The following NELL1 variants were observed in gnomAD, a reference collection of about 807,000 sequenced individuals.
NELL1 encodes protein kinase C-binding protein NELL1.
A neutral mutation model predicts 107.4 loss-of-function variants in NELL1; 76 were observed. That is an observed-to-expected ratio of 0.71 (90% confidence interval 0.59 to 0.86). NELL1 has a LOEUF of 0.86. Among genes scored for constraint, NELL1 ranks in the 40% least tolerant of loss-of-function variants. The pLI is 0.00. For synonymous variants in NELL1, 353 were observed against 341.2 expected (o/e 1.03, Z -0.38); for missense variants, 1,024 against 1,005.5 (o/e 1.02, Z -0.25).
At chr11:21,314,801 G>A (rs369873268) in intron 14 of NELL1, among the ~76,000 whole-genome samples, 1 of 152,178 alleles carries the variant, frequency 6.6e-6, no homozygotes, top group East Asian at 1.9e-4. Context: ...ATTTACCTTT[G>A]GAAAGATTAT....
intron 15 of NELL1, among the ~76,000 whole-genome samples, chr11:21,400,899 G>C (rs1366869271): frequency 6.6e-6 from 1 of 151,886 alleles, no homozygotes; most frequent in African/African-American, 2.4e-5. Context: ...GGAGGACAGG[G>C]AATGGAAGAG....
chr11:20,909,653 A>G (rs1350420778), intron 5 of NELL1, among the ~76,000 whole-genome samples: 1 of 152,120 alleles, frequency 6.6e-6, no homozygotes, highest in Non-Finnish European at 1.5e-5. Context: ...ATGTCAAACC[A>G]GCGTAAGATC....
intron 5 of NELL1, among the ~76,000 whole-genome samples, chr11:20,895,346 G>A (rs1405705287): frequency 1.6e-5 from 2 of 123,306 alleles, no homozygotes; most frequent in African/African-American, 3.0e-5. Context: ...CTGTGTATAT[G>A]TACCCTTTAA....
At chr11:21,303,450 A>G (rs918119007) in intron 14 of NELL1, among the ~76,000 whole-genome samples, 1 of 152,046 alleles carries the variant, frequency 6.6e-6, no homozygotes, top group Non-Finnish European at 1.5e-5. Flanking sequence ...CAGAATTGCT[A>G]TTATTAAAAA....
intron 12 of NELL1, among the ~76,000 whole-genome samples, chr11:21,015,144 T>G (rs936388948): frequency 1.1e-4 from 17 of 152,064 alleles, no homozygotes; most frequent in Non-Finnish European, 1.5e-5. Flanking sequence ...TTCCCCTTAT[T>G]CTGTGAGTGT....
chr11:21,502,496 T>C (rs545341782), intron 15 of NELL1, among the ~76,000 whole-genome samples: 2 of 152,342 alleles, frequency 1.3e-5, no homozygotes, highest in South Asian at 2.1e-4. Context: ...CATTTACCCA[T>C]GGCCCTAAGG....
rs565572703 is a variant in NELL1, at chr11:21,160,976, G to A, written c.1426+47262G>A. Among the ~76,000 whole-genome samples, 5 of 140,662 alleles carry A rather than the reference G, an allele frequency of 3.6e-5. 1 individual carries two copies. The Admixed American group carries it at 3.7e-4, about 10-fold the overall frequency. The allele number at this position is 140,662 out of a possible 152,430, so 92.3% of individuals were successfully genotyped here. On this transcript the variant is annotated intron_variant, in intron 13 of 19. Coordinates refer to ENST00000357134, the MANE Select transcript of NELL1 (RefSeq NM_006157.5). The stretch of plus-strand genomic sequence containing the variant: ...TTATGGACTTGTTACCTTAACTATG[G>A]TTTTAACCTCTTGCTAGCCTTTATA...
intron 15 of NELL1, among the ~76,000 whole-genome samples, chr11:21,448,663 C>T (rs115455916): frequency 2.6e-5 from 4 of 152,268 alleles, no homozygotes; most frequent in African/African-American, 7.2e-5. Flanking sequence ...AGCACAATCA[C>T]GATGATGAAA....
intron 14 of NELL1, 118 bp downstream of exon 14, chr11:21,229,572 G>A: frequency 1.4e-6 from 2 of 1,380,966 alleles, no homozygotes; most frequent in East Asian, 2.4e-5. Flanking sequence ...TCCTGCTCCT[G>A]GTTTATCAAC....
intron 15 of NELL1, among the ~76,000 whole-genome samples, chr11:21,444,668 G>GTGTGTATT (rs1590937184): frequency 6.6e-6 from 1 of 152,000 alleles, no homozygotes. Flanking sequence ...TACAATGTGT[G>GTGTGTATT]ATAATCACAC....
intron 14 of NELL1, among the ~76,000 whole-genome samples, chr11:21,247,224 T>C: frequency 6.6e-6 from 1 of 152,166 alleles, no homozygotes; most frequent in East Asian, 1.9e-4. Flanking sequence ...CTGTACACTT[T>C]GGCAACGCTA....
intron 18 of NELL1, among the ~76,000 whole-genome samples, chr11:21,571,268 C>G (rs1167343971): frequency 6.6e-6 from 1 of 151,850 alleles, no homozygotes; most frequent in Non-Finnish European, 1.5e-5. Context: ...CCTGACAGAG[C>G]TAAATCTCTC....
rs2134159089 is a variant in NELL1, at chr11:20,918,197, G to T, written c.619G>T (p.Gly207Trp). 6.3e-7 allele frequency: 1 copy of T among 1,594,718 alleles called. No homozygotes were observed. Among genetic ancestry groups the T allele is most frequent in the East Asian group, 2.2e-5 (1 of 44,692 alleles). ...TATTATCAAGGGGATCATCCAAGAT[G>T]GGAAGATCATCTTTATGCCGAATGG... ...HGLFKGIIQD[G>W]KIIFMPNGYI... The change falls in exon 6 of 20, where the codon GGG becomes TGG. Residue 207 changes from glycine (G) to tryptophan (W), a missense_variant. Gly to Trp is a radical substitution (Grantham distance 184). Coordinates refer to ENST00000357134, the MANE Select transcript of NELL1 (RefSeq NM_006157.5).
rs531135431 is a variant in NELL1, at chr11:21,269,736, TAAAG to T, written c.1549+40292_1549+40295del. Among the ~76,000 whole-genome samples the T allele has an allele frequency of 1.2e-3, 184 of 152,068 alleles. 1 individual carries two copies. The highest frequency in any genetic ancestry group is 4.0e-3 in the African/African-American group (167 of 41,500). The stretch of plus-strand genomic sequence containing the variant: ...ATATAGTTCAAATCATGGATCTACA[TAAAG>T]AAAGAAAGAGCATCAGCGAAAGAAT... On this transcript the variant is annotated intron_variant, in intron 14 of 19. Transcript: ENST00000357134.
Position 21,573,291 on chromosome 11 carries a change from T to C in NELL1, c.2264T>C (p.Leu755Pro). The C allele has an allele frequency of 6.2e-7, 1 of 1,612,590 alleles. No homozygotes were observed. Among genetic ancestry groups the C allele is most frequent in the Non-Finnish European group, 8.5e-7 (1 of 1,179,086 alleles). The change falls in exon 19 of 20, where the codon CTA becomes CCA. Residue 755 changes from leucine (L) to proline (P), a missense_variant. By Grantham distance (98) the Leu-to-Pro change is moderately conservative. Coordinates refer to ENST00000357134, the MANE Select transcript of NELL1 (RefSeq NM_006157.5). Reference sequence around the variant, plus strand: ...CCCCGCTGTGTCAGTGACCCCTGCCTAGCTGATAACATCACCTATGACATC... The same window carrying C: ...CCCCGCTGTGTCAGTGACCCCTGCCCAGCTGATAACATCACCTATGACATC... Reference protein sequence around the residue: ...CCPRCVSDPCLADNITYDIRK... With the variant: ...CCPRCVSDPCPADNITYDIRK...
chr11:21,405,668 T>C (rs1852217886), intron 15 of NELL1, among the ~76,000 whole-genome samples: 1 of 152,012 alleles, frequency 6.6e-6, no homozygotes, highest in Non-Finnish European at 1.5e-5. Flanking sequence ...TTGGAACTAA[T>C]CCTTTCCAAA....
At chr11:21,493,485 C>G (rs1446747298) in intron 15 of NELL1, among the ~76,000 whole-genome samples, 1 of 150,382 alleles carries the variant, frequency 6.6e-6, no homozygotes, top group East Asian at 2.0e-4. Context: ...AAGCCAGGCA[C>G]AGAAAATTAG....
intron 15 of NELL1, among the ~76,000 whole-genome samples, chr11:21,409,269 A>T (rs184038741): frequency 6.6e-6 from 1 of 152,130 alleles, no homozygotes; most frequent in African/African-American, 2.4e-5. Flanking sequence ...TGATGAGTTC[A>T]TGTCCTTTGT....
chr11:21,299,759 T>C (rs10833498), intron 14 of NELL1, among the ~76,000 whole-genome samples: 36,072 of 151,976 alleles, frequency 0.24, 5,257 homozygotes, highest in Middle Eastern at 0.38. Context: ...AGATAATATG[T>C]AGACTAATAA....
Sources: allele counts gnomAD v4.1 joint callset (sites outside exome capture counted in the v4.1 genomes callset), GRCh38; gene constraint gnomAD v4.1.1; transcripts MANE v1.5; gene names NCBI Gene and HGNC (gene_info 2026-07-23, HGNC 2026-07-21).